Variants in CDH17 observed in about 807,000 individuals in gnomAD.
CDH17 encodes the protein cadherin 17.
Under a neutral mutation model 86.3 loss-of-function variants are expected in CDH17, and 67 were observed. That is an observed-to-expected ratio of 0.78 (90% CI 0.64 to 0.95). The LOEUF (loss-of-function observed/expected upper bound fraction) is 0.95, where lower values mean the gene tolerates loss of function less well. CDH17 is among the 40% of genes least tolerant of loss of function. The probability of loss-of-function intolerance (pLI) is 0.00; values close to 1 mark genes in which losing one functional copy is unlikely to be tolerated. For missense variants in CDH17, 993 were observed against 1,017.6 expected (o/e 0.98, Z 0.33); for synonymous variants, 367 against 366.4 (o/e 1.00, Z -0.02).
chr8:94,146,255 G>A, intron 14 of CDH17, 88 bp from the exon 15 acceptor site: 4 of 1,249,138 alleles, frequency 3.2e-6, no homozygotes, highest in Non-Finnish European at 4.3e-6. Flanking sequence ...AATTCAAGGA[G>A]TTAGGTACAC....
intron 15 of CDH17, among the ~76,000 whole-genome samples, chr8:94,136,524 C>G (rs1365661536): frequency 6.6e-6 from 1 of 152,150 alleles, no homozygotes; most frequent in Non-Finnish European, 1.5e-5. Flanking sequence ...ACTGTTTATT[C>G]TAGTTAGCCA....
intron 15 of CDH17, among the ~76,000 whole-genome samples, chr8:94,143,591 A>G (rs1437159212): frequency 1.3e-5 from 2 of 152,202 alleles, no homozygotes; most frequent in African/African-American, 2.4e-5. Context: ...AGGCTGTTTC[A>G]TCTACATTGA....
At chr8:94,195,245 T>G (rs1217645180) in intron 1 of CDH17, among the ~76,000 whole-genome samples, 1 of 152,184 alleles carries the variant, frequency 6.6e-6, no homozygotes, top group Non-Finnish European at 1.5e-5. Context: ...TCAGGTGATC[T>G]GCCTGCGTCG....
chr8:94,167,462 G>A (rs1813179063), intron 9 of CDH17, among the ~76,000 whole-genome samples: 1 of 152,162 alleles, frequency 6.6e-6, no homozygotes, highest in South Asian at 2.1e-4. Flanking sequence ...TGGGTTGGGG[G>A]AGGAAAAAGA....
upstream of CDH17, among the ~76,000 whole-genome samples, chr8:94,209,456 A>C (rs1039746465): frequency 1.3e-5 from 2 of 152,164 alleles, no homozygotes; most frequent in Admixed American, 6.5e-5. Flanking sequence ...CCAGGTGTGC[A>C]TCTGACAGAG....
intron 1 of CDH17, among the ~76,000 whole-genome samples, chr8:94,196,995 C>A (rs1813797086): frequency 6.6e-6 from 1 of 152,222 alleles, no homozygotes; most frequent in African/African-American, 2.4e-5. Flanking sequence ...CTGTGTAAAT[C>A]AGATACCGCC....
At chr8:94,138,145 A>G (rs536158515) in intron 15 of CDH17, among the ~76,000 whole-genome samples, 2 of 152,298 alleles carry the variant, frequency 1.3e-5, no homozygotes, top group South Asian at 2.1e-4. Flanking sequence ...TGATTTTGCT[A>G]CAATTCACAC....
chr8:94,138,404 C>T (rs923805739), intron 15 of CDH17, among the ~76,000 whole-genome samples: 4 of 152,060 alleles, frequency 2.6e-5, no homozygotes, highest in African/African-American at 4.8e-5. Flanking sequence ...TTATAATTGC[C>T]TCAGCTTACC....
At chr8:94,166,223 G>A (rs1813152920) in intron 9 of CDH17, among the ~76,000 whole-genome samples, 1 of 152,160 alleles carries the variant, frequency 6.6e-6, no homozygotes, top group African/African-American at 2.4e-5. Context: ...TCACAGTTCT[G>A]GAGGCCAGAA....
intron 11 of CDH17, among the ~76,000 whole-genome samples, chr8:94,161,864 G>A (rs1813059500): frequency 6.6e-6 from 1 of 152,112 alleles, no homozygotes; most frequent in African/African-American, 2.4e-5. Flanking sequence ...TGAGCTATTG[G>A]CAGGAGTTTA....
At chr8:94,170,769 TTAAAG>T in intron 8 of CDH17, 80 bp downstream of exon 8, 1 of 1,498,292 alleles carries the variant, frequency 6.7e-7, no homozygotes, top group South Asian at 1.3e-5. Context: ...TTTTTTTTCT[TTAAAG>T]TAAAATCCAT....
chr8:94,188,393 A>G (rs2099676957), intron 3 of CDH17, among the ~76,000 whole-genome samples: 1 of 152,124 alleles, frequency 6.6e-6, no homozygotes, highest in Non-Finnish European at 1.5e-5. Context: ...CAGTTAATGG[A>G]AGGCACTTGC....
chr8:94,139,756 A>G (rs1240270726), intron 15 of CDH17, among the ~76,000 whole-genome samples: 1 of 152,122 alleles, frequency 6.6e-6, no homozygotes, highest in Admixed American at 6.5e-5. Context: ...TACAAAAAGT[A>G]GCTGGGCATC....
At chr8:94,181,048 C>T (rs892465852) in intron 3 of CDH17, among the ~76,000 whole-genome samples, 1 of 150,082 alleles carries the variant, frequency 6.7e-6, no homozygotes, top group Non-Finnish European at 1.5e-5. Flanking sequence ...TTAACCTATA[C>T]TACTATCAGA....
rs749047904 is a variant in CDH17, at chr8:94,128,354, C to A, written c.2399-14G>T. The A allele has an allele frequency of 3.3e-6, 5 of 1,512,612 alleles. No individual in the cohort carries two copies. The highest frequency in any genetic ancestry group is 4.6e-6 in the Non-Finnish European group (5 of 1,090,954). The allele number at this position is 1,512,612 out of a possible 1,614,324, so 93.7% of individuals were successfully genotyped here. A position where few individuals can be genotyped will look rare whatever the true frequency, so the allele number is the denominator to read the frequency against. ...CTAAAATTATACCTAAAAGAAAAAA[C>A]CCAGGGTCAAATAAATGGGACCTTT... is the stretch of plus-strand genomic sequence containing the variant. On this transcript the variant is annotated splice_polypyrimidine_tract_variant and intron_variant, in intron 17 of 17. Coordinates refer to ENST00000027335, the MANE Select transcript of CDH17 (RefSeq NM_004063.4).
intron 9 of CDH17, among the ~76,000 whole-genome samples, chr8:94,168,131 TATATATATATATATATATATATATA>T (rs1813197155): frequency 2.9e-5 from 3 of 102,640 alleles, no homozygotes; most frequent in African/African-American, 8.1e-5. Flanking sequence ...TATATATATA[TATATATATATATATATATATATATA>T]TTTGTGTGTG....
intron 7 of CDH17, among the ~76,000 whole-genome samples, chr8:94,172,437 G>C (rs766286197): frequency 3.0e-4 from 46 of 151,018 alleles, no homozygotes; most frequent in Admixed American, 5.9e-4. Flanking sequence ...AACAATAGTA[G>C]CATTAAAAAA....
intron 2 of CDH17, among the ~76,000 whole-genome samples, chr8:94,191,425 T>A (rs574776856): frequency 6.6e-6 from 1 of 151,612 alleles, no homozygotes; most frequent in African/African-American, 2.4e-5. Context: ...ATAAGTCAAA[T>A]TTCCTGTTAC....
At chr8:94,137,677 G>A (rs1193887112) in intron 15 of CDH17, among the ~76,000 whole-genome samples, 2 of 149,350 alleles carry the variant, frequency 1.3e-5, no homozygotes, top group South Asian at 2.2e-4. Context: ...GTGAAAAACA[G>A]CGCACTACAT....
Sources: allele counts gnomAD v4.1 joint callset (sites outside exome capture counted in the v4.1 genomes callset), GRCh38; gene constraint gnomAD v4.1.1; transcripts MANE v1.5; gene names NCBI Gene and HGNC (gene_info 2026-07-23, HGNC 2026-07-21).